The following RHEX variants were observed in gnomAD, a reference collection of about 807,000 sequenced individuals.
RHEX encodes the protein regulator of hemoglobinization and erythroid cell expansion.
In RHEX, 18 loss-of-function variants were observed where a neutral mutation model predicts 20.1. That is an observed-to-expected ratio of 0.90 (90% CI 0.62 to 1.33). RHEX has a LOEUF of 1.33. RHEX is among the 40% of genes most tolerant of loss of function. The pLI, the probability that RHEX is intolerant of heterozygous loss-of-function variation, is 0.00. For missense variants in RHEX, 192 were observed against 214.3 expected, an observed-to-expected ratio of 0.90 and a Z score of 0.65; for synonymous variants, 87 against 77.1, an observed-to-expected ratio of 1.13 and a Z score of -0.67.
chr1:206,094,339 C>G (rs924724997), intron 1 of RHEX, among the ~76,000 whole-genome samples: 1 of 152,154 alleles, frequency 6.6e-6, no homozygotes, highest in African/African-American at 2.4e-5. Context: ...AATTTTCATA[C>G]CTTGGATCTT....
At chr1:206,055,257 G>T (rs1662164337) in intron 1 of RHEX, among the ~76,000 whole-genome samples, 1 of 152,262 alleles carries the variant, frequency 6.6e-6, no homozygotes, top group Admixed American at 6.5e-5. Flanking sequence ...CTCATGGCAG[G>T]GAGGAGACTT....
chr1:206,090,112 G>A (rs1476889534), intron 1 of RHEX, among the ~76,000 whole-genome samples: 2 of 149,052 alleles, frequency 1.3e-5, no homozygotes, highest in Non-Finnish European at 3.0e-5. Context: ...AACATTTATT[G>A]TACACACAGG....
At chr1:206,081,310 G>T (rs1489193275) in intron 1 of RHEX, among the ~76,000 whole-genome samples, 1 of 152,200 alleles carries the variant, frequency 6.6e-6, no homozygotes, top group African/African-American at 2.4e-5. Flanking sequence ...TGGGGATACA[G>T]AGAACAAGAC....
chr1:206,056,632 T>C (rs1286301855), intron 1 of RHEX, among the ~76,000 whole-genome samples: 4 of 152,350 alleles, frequency 2.6e-5, no homozygotes, highest in Non-Finnish European at 5.9e-5. Flanking sequence ...TGATCACAGT[T>C]TTTAAAATAC....
At chr1:206,059,948 C>T (rs1400518812) in intron 1 of RHEX, among the ~76,000 whole-genome samples, 1 of 152,128 alleles carries the variant, frequency 6.6e-6, no homozygotes, top group Admixed American at 6.5e-5. Flanking sequence ...CTCTCACATG[C>T]CCTCCCCCAG....
At chr1:206,085,979 A>G (rs1662830281) in intron 1 of RHEX, among the ~76,000 whole-genome samples, 1 of 152,200 alleles carries the variant, frequency 6.6e-6, no homozygotes, top group African/African-American at 2.4e-5. Context: ...GAATCCAGGA[A>G]AGATTTCTCT....
intron 5 of RHEX, among the ~76,000 whole-genome samples, chr1:206,101,523 G>A (rs186714657): frequency 2.0e-4 from 30 of 152,288 alleles, no homozygotes; most frequent in Admixed American, 5.2e-4. Flanking sequence ...GCATCTTCCT[G>A]TTGCCTCCAC....
intron 1 of RHEX, among the ~76,000 whole-genome samples, chr1:206,056,904 A>T (rs368307798): frequency 3.9e-5 from 6 of 152,380 alleles, no homozygotes; most frequent in East Asian, 1.9e-4. Flanking sequence ...AAAATAAGTT[A>T]AAAAAGATAG....
At chr1:206,097,673 G>T (rs781940350) in intron 1 of RHEX, 60 bp from the exon 2 acceptor site, 20 of 1,082,512 alleles carry the variant, frequency 1.8e-5, no homozygotes, top group African/African-American at 3.1e-5. Flanking sequence ...AGCTGAGTTT[G>T]CCCAAGGGAA....
At chr1:206,055,709 T>C (rs1384451601) in intron 1 of RHEX, among the ~76,000 whole-genome samples, 1 of 152,196 alleles carries the variant, frequency 6.6e-6, no homozygotes, top group Non-Finnish European at 1.5e-5. Flanking sequence ...TTTTCATGAG[T>C]TGAAAAAAAG....
At chr1:206,082,479 T>C (rs1013235116) in intron 1 of RHEX, among the ~76,000 whole-genome samples, 4 of 149,674 alleles carry the variant, frequency 2.7e-5, no homozygotes, top group African/African-American at 7.4e-5. Flanking sequence ...GGTCGCACCA[T>C]GGCACTCCAG....
At position 206,098,335 on chromosome 1, in the gene RHEX, C is replaced by G; in HGVS notation, c.112+154C>G. The G allele has an allele frequency of 2.9e-5, 18 of 617,490 alleles. 2 individuals are homozygous for G. In the South Asian group the frequency reaches 3.0e-4, roughly 10 times the overall value. 38.3% of individuals were successfully genotyped at this position (617,490 alleles called of 1,614,324 possible). Reference sequence around the variant, plus strand: ...ATTCCTTCCCACCGCTCCCCCTCCCCCCAATAACTGTATCTGGGTAATCCC... The same window carrying G: ...ATTCCTTCCCACCGCTCCCCCTCCCGCCAATAACTGTATCTGGGTAATCCC... On this transcript the variant is annotated intron_variant, in intron 3 of 5. Coordinates refer to ENST00000331555, the MANE Select transcript of RHEX (RefSeq NM_001007544.4).
chr1:206,063,439 C>T (rs1409779755), intron 1 of RHEX, among the ~76,000 whole-genome samples: 1 of 152,242 alleles, frequency 6.6e-6, no homozygotes, highest in Non-Finnish European at 1.5e-5. Flanking sequence ...CCTCTCACGC[C>T]AAGCCAAAGC....
At chr1:206,065,636 T>C (rs1447448899) in intron 1 of RHEX, among the ~76,000 whole-genome samples, 1 of 152,196 alleles carries the variant, frequency 6.6e-6, no homozygotes, top group Non-Finnish European at 1.5e-5. Context: ...CTAATGGGCA[T>C]GATAGTTAGA....
At chr1:206,058,677 T>C (rs531272498) in intron 1 of RHEX, among the ~76,000 whole-genome samples, 67 of 152,260 alleles carry the variant, frequency 4.4e-4, no homozygotes, top group African/African-American at 1.4e-3. Flanking sequence ...CCTGTTCTGT[T>C]TCTCTCTGAC....
chr1:206,095,099 G>A (rs1663038168), intron 1 of RHEX, among the ~76,000 whole-genome samples: 1 of 152,056 alleles, frequency 6.6e-6, no homozygotes. Context: ...ATAAGGACTT[G>A]TCTGGCTCCA....
At chr1:206,084,417 G>T (rs1325692778) in intron 1 of RHEX, among the ~76,000 whole-genome samples, 1 of 152,226 alleles carries the variant, frequency 6.6e-6, no homozygotes. Context: ...AAAGACGTAA[G>T]TGCTACTAAC....
chr1:206,079,698 G>A (rs1373153349), intron 1 of RHEX, among the ~76,000 whole-genome samples: 1 of 152,146 alleles, frequency 6.6e-6, no homozygotes, highest in Non-Finnish European at 1.5e-5. Flanking sequence ...TGGGATTACA[G>A]GTGTGTGCTA....
chr1:206,070,986 T>C (rs565999094), intron 1 of RHEX, among the ~76,000 whole-genome samples: 3 of 152,164 alleles, frequency 2.0e-5, no homozygotes, highest in Non-Finnish European at 4.4e-5. Context: ...TAATAAGATA[T>C]ACGTATATAT....
Sources: gnomAD v4.1 joint callset for allele counts (sites outside exome capture counted in the v4.1 genomes callset) on GRCh38, gnomAD v4.1.1 for gene constraint, MANE v1.5 for transcripts, NCBI Gene and HGNC (gene_info 2026-07-23, HGNC 2026-07-21) for gene names.